Variants in LHFPL2 observed in about 807,000 individuals in gnomAD.
LHFPL2 encodes LHFPL tetraspan subfamily member 2 protein.
LHFPL2 carries 7 observed loss-of-function variants against 17.5 expected under a neutral mutation model. That is an observed-to-expected ratio of 0.40 (90% CI 0.23 to 0.75). The LOEUF (loss-of-function observed/expected upper bound fraction) is 0.75, where lower values mean the gene tolerates loss of function less well. LHFPL2 is among the 30% of genes least tolerant of loss of function. The pLI, the probability that LHFPL2 is intolerant of heterozygous loss-of-function variation, is 0.37. For synonymous variants in LHFPL2, 134 were observed against 116.2 expected (o/e 1.15, Z -0.99); for missense variants, 241 against 294.8 (o/e 0.82, Z 1.34).
chr5:78,552,022 A>G (rs1200250975), intron 3 of LHFPL2, among the ~76,000 whole-genome samples: 2 of 152,184 alleles, frequency 1.3e-5, no homozygotes, highest in Non-Finnish European at 2.9e-5. Flanking sequence ...ATGCACAAAA[A>G]TGGGCAATTT....
At chr5:78,602,082 G>C (rs1332542684) in intron 2 of LHFPL2, among the ~76,000 whole-genome samples, 3 of 152,056 alleles carry the variant, frequency 2.0e-5, no homozygotes, top group African/African-American at 7.2e-5. Flanking sequence ...ACTTTGAAAA[G>C]AAGTTCCACT....
At chr5:78,532,625 T>A (rs1755819828) in intron 3 of LHFPL2, among the ~76,000 whole-genome samples, 1 of 152,198 alleles carries the variant, frequency 6.6e-6, no homozygotes, top group African/African-American at 2.4e-5. Context: ...AGTTAATAAC[T>A]GATACATGCA....
chr5:78,563,337 A>G (rs1318430543), intron 3 of LHFPL2, among the ~76,000 whole-genome samples: 1 of 152,224 alleles, frequency 6.6e-6, no homozygotes, highest in African/African-American at 2.4e-5. Flanking sequence ...ATTTTTATTA[A>G]TAATCTTTAT....
chr5:78,592,236 C>A (rs1743651762), intron 2 of LHFPL2, among the ~76,000 whole-genome samples: 1 of 152,186 alleles, frequency 6.6e-6, no homozygotes, highest in Admixed American at 6.5e-5. Context: ...CACGGCAAGG[C>A]ATTCTCTCCC....
chr5:78,544,856 T>C (rs1756223353), intron 3 of LHFPL2, among the ~76,000 whole-genome samples: 1 of 152,194 alleles, frequency 6.6e-6, no homozygotes, highest in Admixed American at 6.5e-5. Flanking sequence ...TTTAGTCTGC[T>C]TTTCAGTAAC....
At chr5:78,553,636 C>CA (rs1159803818) in intron 3 of LHFPL2, among the ~76,000 whole-genome samples, 2 of 152,146 alleles carry the variant, frequency 1.3e-5, no homozygotes, top group African/African-American at 4.8e-5. Flanking sequence ...GAATAGAAAA[C>CA]ACACAGCGCA....
At chr5:78,493,049 G>C (rs16875509) in intron 4 of LHFPL2, among the ~76,000 whole-genome samples, 8,287 of 152,228 alleles carry the variant, frequency 0.054, 419 homozygotes, top group East Asian at 0.27. Context: ...CTGTAAAATG[G>C]ACTAATGTCT....
At chr5:78,605,165 A>G (rs576564446) in intron 2 of LHFPL2, among the ~76,000 whole-genome samples, 7 of 152,228 alleles carry the variant, frequency 4.6e-5, no homozygotes, top group Non-Finnish European at 1.0e-4. Context: ...TGCAGAAGCC[A>G]TGGCTTGGCT....
chr5:78,499,122 C>T (rs944213876), intron 4 of LHFPL2, among the ~76,000 whole-genome samples: 3 of 152,206 alleles, frequency 2.0e-5, no homozygotes, highest in African/African-American at 4.8e-5. Context: ...GAAGAACCTT[C>T]TGGAAAGGTC....
intron 2 of LHFPL2, among the ~76,000 whole-genome samples, chr5:78,600,783 A>T (rs1027521382): frequency 6.6e-6 from 1 of 152,198 alleles, no homozygotes; most frequent in Non-Finnish European, 1.5e-5. Flanking sequence ...CAATATACTT[A>T]ACGTCCTCAG....
chr5:78,610,187 C>T (rs1744369646), intron 2 of LHFPL2, among the ~76,000 whole-genome samples: 6 of 152,154 alleles, frequency 3.9e-5, no homozygotes, highest in Admixed American at 3.9e-4. Context: ...ACACCCACGC[C>T]ACACTGTAGG....
chr5:78,549,986 C>T (rs1756393926), intron 3 of LHFPL2, among the ~76,000 whole-genome samples: 1 of 152,188 alleles, frequency 6.6e-6, no homozygotes, highest in African/African-American at 2.4e-5. Context: ...TTGTTTTCTT[C>T]AGGTACAGTA....
intron 3 of LHFPL2, among the ~76,000 whole-genome samples, chr5:78,546,231 G>C (rs1416251329): frequency 6.6e-6 from 1 of 152,172 alleles, no homozygotes; most frequent in Non-Finnish European, 1.5e-5. Context: ...TCATTTACAT[G>C]CAACATTAAA....
chr5:78,488,960 T>C lies in LHFPL2; in HGVS notation c.624A>G (p.Ala208=). Residue 208 remains alanine (A), a synonymous_variant, in exon 5 of 5, where the codon GCA becomes GCG. Coordinates refer to ENST00000380345, the MANE Select transcript of LHFPL2 (RefSeq NM_005779.3). ...CTTCCTGTACTTTGTCACTAGAGGT[T>C]GCAATTTCTGCTTGTGCAGAGAAGA... ...CAVFSAQAEI[A]TSSDKVQEEI... 6.2e-7 allele frequency: 1 copy of C among 1,614,204 alleles called. No homozygotes were observed. Among genetic ancestry groups the C allele is most frequent in the African/African-American group, 1.3e-5 (1 of 75,056 alleles).
chr5:78,570,883 C>T (rs1387668288), intron 2 of LHFPL2, among the ~76,000 whole-genome samples: 2 of 151,960 alleles, frequency 1.3e-5, no homozygotes, highest in East Asian at 3.9e-4. Context: ...CTGACAAGCG[C>T]TTTCTGTGCC....
chr5:78,586,908 T>C (rs1580835647), intron 2 of LHFPL2, among the ~76,000 whole-genome samples: 2 of 152,336 alleles, frequency 1.3e-5, no homozygotes, highest in East Asian at 3.9e-4. Context: ...ATAGTCTTTT[T>C]AATTCTTTTT....
At position 78,648,197 on chromosome 5, in the gene LHFPL2, G is replaced by T. The variant is rs543787730; in HGVS notation, c.-350+302C>A. On this transcript the variant is annotated intron_variant, in intron 1 of 4. Coordinates refer to ENST00000380345, the MANE Select transcript of LHFPL2 (RefSeq NM_005779.3). The surrounding 1 kb of genome is among the most constrained non-coding windows in gnomAD (Gnocchi z 5.4). ...CGCCCAGAGAGCAGGGCTCGCGCCG[G>T]CTTCCCGAGGAGACGCTGTTCCCGG... Among the ~76,000 whole-genome samples the T allele has an allele frequency of 1.3e-5, 2 of 152,246 alleles. No individual in the cohort carries two copies. The highest frequency in any genetic ancestry group is 4.1e-4 in the South Asian group (2 of 4,820).
intron 2 of LHFPL2, among the ~76,000 whole-genome samples, chr5:78,627,270 T>C (rs1745078704): frequency 6.6e-6 from 1 of 152,088 alleles, no homozygotes; most frequent in Non-Finnish European, 1.5e-5. Context: ...TCAGATGATA[T>C]GCACAGGCCC....
At chr5:78,526,817 G>C (rs897992324) in intron 3 of LHFPL2, among the ~76,000 whole-genome samples, 2 of 152,124 alleles carry the variant, frequency 1.3e-5, no homozygotes, top group African/African-American at 4.8e-5. Flanking sequence ...TTTCCTGAAG[G>C]CTACACAGCA....
Sources: gnomAD v4.1 joint callset for allele counts (sites outside exome capture counted in the v4.1 genomes callset) on GRCh38, gnomAD v4.1.1 for gene constraint, Gnocchi (gnomAD v3.1) non-coding constraint, MANE v1.5 for transcripts, NCBI Gene and HGNC (gene_info 2026-07-23, HGNC 2026-07-21) for gene names.